Variants in CABCOCO1 observed in about 807,000 individuals in gnomAD.
CABCOCO1 encodes the protein ciliary-associated calcium-binding coiled-coil protein 1.
CABCOCO1 carries 28 observed loss-of-function variants against 35.7 expected under a neutral mutation model. That is an observed-to-expected ratio of 0.78 (90% CI 0.58 to 1.07). The LOEUF (loss-of-function observed/expected upper bound fraction) is 1.07. Among genes scored for constraint, CABCOCO1 ranks in the 50% least tolerant of loss-of-function variants. The pLI is 0.00. For missense variants in CABCOCO1, 326 were observed against 309.2 expected (o/e 1.05, Z -0.41); for synonymous variants, 95 against 100.1 (o/e 0.95, Z 0.30).
At chr10:61,700,439 C>A (rs1043336846) in intron 5 of CABCOCO1, among the ~76,000 whole-genome samples, 3 of 151,554 alleles carry the variant, frequency 2.0e-5, no homozygotes, top group African/African-American at 7.3e-5. Context: ...AGATTTTCAC[C>A]CTTTACAGTA....
At chr10:61,668,697 T>TA (rs1281647277) in intron 1 of CABCOCO1, among the ~76,000 whole-genome samples, 2 of 152,034 alleles carry the variant, frequency 1.3e-5, no homozygotes, top group African/African-American at 4.8e-5. Context: ...CTCTTGCTTT[T>TA]ACTTATTTTT....
rs1215703364 is a variant in CABCOCO1, at chr10:61,766,053, A to G, written c.*40A>G. 3.9e-6 allele frequency: 6 copies of G among 1,552,306 alleles called. No individual in the cohort carries two copies. Among genetic ancestry groups the G allele is most frequent in the Non-Finnish European group, 5.3e-6 (6 of 1,128,904 alleles). ...GAGAGTGATGCTAAACTTCACAGAA[A>G]CAAACAAAACCAGCCAGAATAACAG... is the stretch of plus-strand genomic sequence containing the variant. On this transcript the variant is annotated 3_prime_UTR_variant, in exon 8 of 8. Coordinates refer to ENST00000648843, the MANE Select transcript of CABCOCO1 (RefSeq NM_001366906.2).
At chr10:61,750,070 T>C (rs962680124) in intron 5 of CABCOCO1, among the ~76,000 whole-genome samples, 3 of 151,384 alleles carry the variant, frequency 2.0e-5, no homozygotes, top group Admixed American at 6.6e-5. Context: ...ACCTTTCACA[T>C]TGTATTGTGA....
intron 4 of CABCOCO1, among the ~76,000 whole-genome samples, chr10:61,687,677 G>T (rs962093225): frequency 4.0e-4 from 61 of 152,238 alleles, no homozygotes; most frequent in African/African-American, 1.4e-3. Context: ...AAACAATTAA[G>T]TTAAGAGGGG....
chr10:61,755,652 T>C (rs1488177676), intron 5 of CABCOCO1, among the ~76,000 whole-genome samples: 1 of 152,036 alleles, frequency 6.6e-6, no homozygotes, highest in African/African-American at 2.4e-5. Flanking sequence ...ATTTAATATC[T>C]CAAAAAATGT....
At chr10:61,663,675 T>C (rs1839078826) in intron 1 of CABCOCO1, among the ~76,000 whole-genome samples, 1 of 152,182 alleles carries the variant, frequency 6.6e-6, no homozygotes, top group Non-Finnish European at 1.5e-5. Context: ...TTTAATCTCC[T>C]TGGACACCAG....
Position 61,662,965 on chromosome 10 carries a change from T to A in CABCOCO1, c.-8T>A. On this transcript the variant is annotated 5_prime_UTR_variant, in exon 1 of 8. The change creates a new upstream start codon in the 5' untranslated region. Coordinates refer to ENST00000648843, the MANE Select transcript of CABCOCO1 (RefSeq NM_001366906.2). The stretch of plus-strand genomic sequence containing the variant: ...GAGGGGCCGCTTCTCTCGGCCGAGA[T>A]TGCGGCGATGTCGCAGGGGACGACT... 1 of 391,690 alleles carries A rather than the reference T, an allele frequency of 2.6e-6. No homozygotes were observed. The highest frequency in any genetic ancestry group is 5.3e-6 in the Non-Finnish European group (1 of 187,718). The allele number at this position is 391,690 out of a possible 1,614,324, so 24.3% of individuals were successfully genotyped here. A position where few individuals can be genotyped will look rare whatever the true frequency, so the allele number is the denominator to read the frequency against.
chr10:61,696,968 G>A (rs1157918316), intron 5 of CABCOCO1, among the ~76,000 whole-genome samples: 1 of 152,062 alleles, frequency 6.6e-6, no homozygotes, highest in Admixed American at 6.6e-5. Context: ...CAAAAAATAT[G>A]TATTTCTTAA....
intron 5 of CABCOCO1, among the ~76,000 whole-genome samples, chr10:61,729,684 A>G (rs1841255208): frequency 6.6e-6 from 1 of 152,192 alleles, no homozygotes; most frequent in African/African-American, 2.4e-5. Context: ...CCACAGCACT[A>G]TTCCCAATAG....
At chr10:61,674,833 T>A (rs1217733043) in intron 2 of CABCOCO1, among the ~76,000 whole-genome samples, 4 of 152,184 alleles carry the variant, frequency 2.6e-5, no homozygotes, top group Admixed American at 1.3e-4. Flanking sequence ...CTGCTATCAA[T>A]CATAAATATT....
chr10:61,714,298 A>G (rs991879338), intron 5 of CABCOCO1, among the ~76,000 whole-genome samples: 6 of 152,158 alleles, frequency 3.9e-5, no homozygotes, highest in African/African-American at 1.4e-4. Flanking sequence ...TTATTTGCGT[A>G]GAGGTGTTTA....
intron 5 of CABCOCO1, among the ~76,000 whole-genome samples, chr10:61,692,827 C>T (rs531168139): frequency 6.6e-6 from 1 of 152,244 alleles, no homozygotes; most frequent in Middle Eastern, 3.4e-3. Flanking sequence ...CACTGAAAAA[C>T]GTTTCCATTT....
chr10:61,720,917 C>CTTTTTTTTGTTTTTTTTTTT (rs1840993459), intron 5 of CABCOCO1, among the ~76,000 whole-genome samples: 1 of 65,974 alleles, frequency 1.5e-5, no homozygotes, highest in African/African-American at 5.1e-5. Flanking sequence ...TCTTTTCATT[C>CTTTTTTTTGTTTTTTTTTTT]TTTTTTTTTT....
At chr10:61,765,664 T>C (rs1589161505) in intron 7 of CABCOCO1, among the ~76,000 whole-genome samples, 1 of 152,230 alleles carries the variant, frequency 6.6e-6, no homozygotes, top group Non-Finnish European at 1.5e-5. Context: ...ACAGATAAAT[T>C]ATCCTATCTT....
rs752612076 is a variant in CABCOCO1, at chr10:61,663,020, G to C, written c.48G>C (p.Thr16=). Residue 16 remains threonine (T), a synonymous_variant, in exon 1 of 8, where the codon ACG becomes ACC. Coordinates refer to ENST00000648843, the MANE Select transcript of CABCOCO1 (RefSeq NM_001366906.2). ...GGGGGCCGACCCCGGCGGGAACCAC[G>C]CCCGAATCGGAGGTACACCGCCCCT... ...TPWGPTPAGT[T]PESERDTEFQ... 1.7e-5 allele frequency: 1 copy of C among 58,830 alleles called. No individual in the cohort carries two copies. Among genetic ancestry groups the C allele is most frequent in the Non-Finnish European group, 4.7e-5 (1 of 21,436 alleles). The allele number at this position is 58,830 out of a possible 1,614,324, so 3.6% of individuals were successfully genotyped here.
At chr10:61,737,719 C>T (rs2132062712) in intron 5 of CABCOCO1, among the ~76,000 whole-genome samples, 1 of 152,226 alleles carries the variant, frequency 6.6e-6, no homozygotes, top group East Asian at 1.9e-4. Context: ...AAACCAAATA[C>T]CACATGTTCT....
intron 5 of CABCOCO1, among the ~76,000 whole-genome samples, chr10:61,737,395 T>C (rs1221343714): frequency 6.6e-6 from 1 of 152,100 alleles, no homozygotes; most frequent in African/African-American, 2.4e-5. Flanking sequence ...AGTGTGGTGA[T>C]TTCTCAAAAA....
At chr10:61,740,052 C>A (rs1766072119) in intron 5 of CABCOCO1, among the ~76,000 whole-genome samples, 1 of 152,106 alleles carries the variant, frequency 6.6e-6, no homozygotes, top group African/African-American at 2.4e-5. Flanking sequence ...ACAAGAGGAT[C>A]TAAAAGAGAA....
intron 2 of CABCOCO1, among the ~76,000 whole-genome samples, chr10:61,672,972 C>G (rs957468970): frequency 1.3e-5 from 2 of 152,152 alleles, no homozygotes; most frequent in African/African-American, 4.8e-5. Context: ...TTACCAAGAG[C>G]AGAGGTTTGT....
Sources: allele counts gnomAD v4.1 joint callset (sites outside exome capture counted in the v4.1 genomes callset), GRCh38; gene constraint gnomAD v4.1.1; transcripts MANE v1.5; gene names NCBI Gene and HGNC (gene_info 2026-07-23, HGNC 2026-07-21).